OTUD7A: variants seen among roughly 807,000 people sequenced by gnomAD.
The protein encoded by OTUD7A is OTU domain-containing protein 7A.
A neutral mutation model predicts 65.7 loss-of-function variants in OTUD7A; 12 were observed. The observed-to-expected ratio is 0.18, with a 90% CI of 0.12 to 0.30. OTUD7A has a LOEUF of 0.30. Among genes scored for constraint, OTUD7A ranks in the 10% least tolerant of loss-of-function variants. The pLI, the probability that OTUD7A is intolerant of heterozygous loss-of-function variation, is 1.00. For synonymous variants in OTUD7A, 641 were observed against 586.3 expected (o/e 1.09, Z -1.35); for missense variants, 1,148 against 1,304.8 (o/e 0.88, Z 1.85).
intron 1 of OTUD7A, among the ~76,000 whole-genome samples, chr15:31,827,281 A>G (rs961849439): frequency 1.3e-5 from 2 of 152,238 alleles, no homozygotes; most frequent in African/African-American, 2.4e-5. Context: ...GGGAGGAGCA[A>G]GTCTGGTCTT....
At chr15:31,836,242 GCTCT>G (rs1897052532) in intron 1 of OTUD7A, among the ~76,000 whole-genome samples, 1 of 151,966 alleles carries the variant, frequency 6.6e-6, no homozygotes. Context: ...ATTTTAAAAT[GCTCT>G]CTCTAATGCA....
chr15:31,574,194 G>A (rs1269337981), intron 3 of OTUD7A, among the ~76,000 whole-genome samples: 1 of 151,950 alleles, frequency 6.6e-6, no homozygotes, highest in African/African-American at 2.4e-5. Flanking sequence ...TATACTAGTG[G>A]TTAAAAAAGT....
chr15:31,620,103 C>T (rs1258892741), intron 3 of OTUD7A, among the ~76,000 whole-genome samples: 3 of 152,182 alleles, frequency 2.0e-5, no homozygotes. Context: ...AGCCTTGCAT[C>T]CCAGGGATGA....
intron 1 of OTUD7A, among the ~76,000 whole-genome samples, chr15:31,805,323 C>T (rs1243547460): frequency 6.6e-6 from 1 of 152,236 alleles, no homozygotes; most frequent in Non-Finnish European, 1.5e-5. Flanking sequence ...ATGGCCTGCA[C>T]TGGCAGGCTC....
Position 31,606,712 on chromosome 15 carries a change from T to C in OTUD7A, c.152-36515A>G, listed in dbSNP as rs1031163581. On this transcript the variant is annotated intron_variant, in intron 3 of 12. Transcript: ENST00000307050. ...TGTTTTGGAAGTCAGCAGCCCTTTATTCAATTGGCAAAACCAGATACCCTC... is the reference window on the plus strand; with the variant it reads ...TGTTTTGGAAGTCAGCAGCCCTTTACTCAATTGGCAAAACCAGATACCCTC... Among the ~76,000 whole-genome samples, 4 of 152,208 alleles carry C rather than the reference T, an allele frequency of 2.6e-5. 1 individual carries two copies. Among genetic ancestry groups the C allele is most frequent in the African/African-American group, 9.6e-5 (4 of 41,464 alleles).
At chr15:31,793,560 T>C (rs1895874819) in intron 1 of OTUD7A, among the ~76,000 whole-genome samples, 1 of 152,246 alleles carries the variant, frequency 6.6e-6, no homozygotes, top group Non-Finnish European at 1.5e-5. Flanking sequence ...TCATTCTCCG[T>C]CATCCTTAAA....
intron 3 of OTUD7A, among the ~76,000 whole-genome samples, chr15:31,608,287 C>T (rs1231794728): frequency 6.6e-6 from 1 of 151,932 alleles, no homozygotes; most frequent in Non-Finnish European, 1.5e-5. Context: ...AATTGAGAAA[C>T]ATAAAAATAA....
At chr15:31,711,892 C>T (rs1159209616) in intron 1 of OTUD7A, among the ~76,000 whole-genome samples, 2 of 151,964 alleles carry the variant, frequency 1.3e-5, no homozygotes, top group African/African-American at 4.8e-5. Flanking sequence ...AGGACAATGG[C>T]CTGAAAGGTG....
intron 3 of OTUD7A, among the ~76,000 whole-genome samples, chr15:31,605,346 C>T (rs529923595): frequency 2.0e-5 from 3 of 152,308 alleles, no homozygotes; most frequent in East Asian, 3.9e-4. Context: ...GTGGGGGCCA[C>T]TCTGGACACA....
chr15:31,831,974 G>A (rs1056339804), intron 1 of OTUD7A, among the ~76,000 whole-genome samples: 1 of 152,240 alleles, frequency 6.6e-6, no homozygotes, highest in Non-Finnish European at 1.5e-5. Context: ...CTGGGGCAGG[G>A]CATGAGGGAG....
At chr15:31,600,617 C>T (rs1374454482) in intron 3 of OTUD7A, among the ~76,000 whole-genome samples, 1 of 152,154 alleles carries the variant, frequency 6.6e-6, no homozygotes, top group Non-Finnish European at 1.5e-5. Flanking sequence ...ACAATATGAA[C>T]TTTAAATGTA....
intron 8 of OTUD7A, among the ~76,000 whole-genome samples, chr15:31,523,629 C>A (rs939731575): frequency 6.6e-6 from 1 of 152,248 alleles, no homozygotes; most frequent in Non-Finnish European, 1.5e-5. Context: ...ACATCCCCTA[C>A]GGCCCCATGT....
intron 1 of OTUD7A, among the ~76,000 whole-genome samples, chr15:31,861,422 G>C (rs1897738743): frequency 1.3e-5 from 2 of 152,136 alleles, no homozygotes; most frequent in South Asian, 2.1e-4. Context: ...TCCTTTTCTA[G>C]GCCCCTGAAG....
chr15:31,726,675 G>A (rs1893898223), intron 1 of OTUD7A, among the ~76,000 whole-genome samples: 1 of 152,108 alleles, frequency 6.6e-6, no homozygotes, highest in African/African-American at 2.4e-5. Context: ...TGCTCTCACA[G>A]GACACTTCAG....
At chr15:31,849,672 T>C (rs1304466712) in intron 1 of OTUD7A, among the ~76,000 whole-genome samples, 1 of 152,174 alleles carries the variant, frequency 6.6e-6, no homozygotes, top group African/African-American at 2.4e-5. Flanking sequence ...AAGGCTAATA[T>C]TCAGAAGCTA....
chr15:31,610,429 T>C (rs1056806140), intron 3 of OTUD7A, among the ~76,000 whole-genome samples: 1 of 151,502 alleles, frequency 6.6e-6, no homozygotes, highest in African/African-American at 2.4e-5. Context: ...AAACAATGGA[T>C]TTAAACTATA....
At chr15:31,589,447 C>CACA (rs1889650765) in intron 3 of OTUD7A, among the ~76,000 whole-genome samples, 1 of 149,282 alleles carries the variant, frequency 6.7e-6, no homozygotes. Flanking sequence ...CTACAGGTGT[C>CACA]CACTGTCCTG....
At chr15:31,636,872 A>G (rs894667424) in intron 3 of OTUD7A, among the ~76,000 whole-genome samples, 1 of 151,710 alleles carries the variant, frequency 6.6e-6, no homozygotes, top group African/African-American at 2.4e-5. Flanking sequence ...AACTCTCTTC[A>G]ATTCTACGGA....
chr15:31,766,435 A>T, intron 1 of OTUD7A: 1 of 1,580,728 alleles, frequency 6.3e-7, no homozygotes, highest in Non-Finnish European at 8.7e-7. Context: ...GTGCCAGTCA[A>T]CACAGAAGAA....
Sources: gnomAD v4.1 joint callset for allele counts (sites outside exome capture counted in the v4.1 genomes callset) on GRCh38, gnomAD v4.1.1 for gene constraint, MANE v1.5 for transcripts, NCBI Gene and HGNC (gene_info 2026-07-23, HGNC 2026-07-21) for gene names.